LGR6: variants seen among roughly 807,000 people sequenced by gnomAD.
LGR6 encodes the protein leucine-rich repeat-containing G protein-coupled receptor 6.
In LGR6, 45 loss-of-function variants were observed where a neutral mutation model predicts 69.4. The ratio of observed to expected loss-of-function variants is 0.65; its 90% CI spans 0.51 to 0.83. LGR6 has a LOEUF of 0.83. LGR6 is among the 40% of genes least tolerant of loss of function. The probability of loss-of-function intolerance (pLI) is 0.00; values close to 1 mark genes in which losing one functional copy is unlikely to be tolerated. For missense variants in LGR6, 1,108 were observed against 1,246.7 expected, an observed-to-expected ratio of 0.89 and a Z score of 1.68; for synonymous variants, 538 against 555.0, an observed-to-expected ratio of 0.97 and a Z score of 0.43.
At chr1:202,290,977 C>A (rs1390978392) in intron 6 of LGR6, among the ~76,000 whole-genome samples, 1 of 152,206 alleles carries the variant, frequency 6.6e-6, no homozygotes, top group Admixed American at 6.5e-5. Context: ...CCTCAGAGAT[C>A]TCTGAAGTTG....
intron 4 of LGR6, among the ~76,000 whole-genome samples, chr1:202,239,767 TTCACTTAC>T (rs1212026175): frequency 6.6e-6 from 1 of 152,184 alleles, no homozygotes; most frequent in Non-Finnish European, 1.5e-5. Flanking sequence ...TCTCAGCTTC[TTCACTTAC>T]TCACTTACTG....
intron 4 of LGR6, among the ~76,000 whole-genome samples, chr1:202,242,673 A>T (rs1662312347): frequency 6.6e-6 from 1 of 152,156 alleles, no homozygotes; most frequent in South Asian, 2.1e-4. Context: ...GTGAGTTGAG[A>T]TGAGGAGGAA....
intron 6 of LGR6, among the ~76,000 whole-genome samples, chr1:202,292,169 A>G (rs897066718): frequency 9.2e-5 from 14 of 152,162 alleles, no homozygotes; most frequent in African/African-American, 3.1e-4. Context: ...CCATTAAGGG[A>G]TTTGGATTTT....
At chr1:202,280,973 G>A (rs1007324526) in intron 6 of LGR6, 121 bp downstream of exon 6, 25 of 841,032 alleles carry the variant, frequency 3.0e-5, no homozygotes, top group African/African-American at 8.6e-5. Context: ...GTCTGGCCCC[G>A]GGCTTGTTTA....
intron 5 of LGR6, among the ~76,000 whole-genome samples, chr1:202,277,546 G>A (rs1336842910): frequency 3.3e-5 from 5 of 152,040 alleles, no homozygotes; most frequent in Admixed American, 2.6e-4. Flanking sequence ...GAGAGGGTGG[G>A]GTCAGGCCTC....
At chr1:202,239,139 T>C (rs1661914898) in intron 4 of LGR6, among the ~76,000 whole-genome samples, 1 of 152,002 alleles carries the variant, frequency 6.6e-6, no homozygotes, top group South Asian at 2.1e-4. Context: ...CCAACCAGGG[T>C]AGGTGTCTTC....
Position 202,305,677 on chromosome 1 carries a change from T to A in LGR6, c.1071-7T>A, listed in dbSNP as rs1342464943. 1.2e-6 allele frequency: 2 copies of A among 1,613,152 alleles called. No homozygotes were observed. The highest frequency in any genetic ancestry group is 2.7e-5 in the African/African-American group (2 of 74,840). Reference sequence around the variant, plus strand: ...CACCCCAGCCCTGGCCTTTCTCTTTTCCCCAGGGAACTGTCTCACAATCAA... The same window carrying A: ...CACCCCAGCCCTGGCCTTTCTCTTTACCCCAGGGAACTGTCTCACAATCAA... On this transcript the variant is annotated splice_region_variant and splice_polypyrimidine_tract_variant and intron_variant, in intron 11 of 17. Coordinates refer to ENST00000367278, the MANE Select transcript of LGR6 (RefSeq NM_001017403.2).
intron 4 of LGR6, among the ~76,000 whole-genome samples, chr1:202,275,063 A>G (rs890125823): frequency 1.3e-5 from 2 of 152,172 alleles, no homozygotes; most frequent in East Asian, 3.8e-4. Flanking sequence ...TGGACCTTCT[A>G]CAAGGGGGCT....
chr1:202,211,003 T>C (rs1250672132), intron 1 of LGR6, among the ~76,000 whole-genome samples: 2 of 152,118 alleles, frequency 1.3e-5, no homozygotes, highest in Non-Finnish European at 2.9e-5. Flanking sequence ...AGGCTGGTTG[T>C]GGGGGGACTT....
In LGR6 at chr1:202,319,311, G is replaced by A; in HGVS notation, c.*104G>A. The A allele has an allele frequency of 1.6e-6, 2 of 1,285,076 alleles. No individual in the cohort carries two copies. The highest frequency in any genetic ancestry group is 2.1e-6 in the Non-Finnish European group (2 of 954,310). 79.6% of individuals were successfully genotyped at this position (1,285,076 alleles called of 1,614,324 possible). On this transcript the variant is annotated 3_prime_UTR_variant, in exon 18 of 18. Transcript: ENST00000367278. ...AAATACAACCAAAACTCAGCAGTGT[G>A]ATCTATAGCAGGATGGCCCAGTCCC...
chr1:202,309,292 A>G lies in LGR6; in HGVS notation c.1406+116A>G, dbSNP rs1269208493. 3 of 1,288,138 alleles carry G rather than the reference A, an allele frequency of 2.3e-6. No homozygotes were observed. In the African/African-American group the frequency reaches 4.5e-5, roughly 19 times the overall value. The allele number at this position is 1,288,138 out of a possible 1,614,324, so 79.8% of individuals were successfully genotyped here. On this transcript the variant is annotated intron_variant, in intron 15 of 17. Coordinates refer to ENST00000367278, the MANE Select transcript of LGR6 (RefSeq NM_001017403.2). ...AGCCTAGAGGCTTAGGGTTTGACCA[A>G]GATTTAGTGGAAGGGCTCACCTGAC...
chr1:202,306,506 G>A (rs1441493153), intron 12 of LGR6, among the ~76,000 whole-genome samples: 2 of 152,104 alleles, frequency 1.3e-5, no homozygotes, highest in South Asian at 2.1e-4. Flanking sequence ...TCCCAGTTCC[G>A]GCCAGTCACT....
intron 4 of LGR6, among the ~76,000 whole-genome samples, chr1:202,239,738 C>A (rs1311255783): frequency 6.6e-6 from 1 of 152,030 alleles, no homozygotes; most frequent in African/African-American, 2.4e-5. Context: ...ACTCTGGAGT[C>A]GGATTGTTTG....
At chr1:202,239,359 G>T (rs1661960092) in intron 4 of LGR6, among the ~76,000 whole-genome samples, 1 of 149,852 alleles carries the variant, frequency 6.7e-6, no homozygotes, top group Non-Finnish European at 1.5e-5. Context: ...GTGTGTGTGT[G>T]TGTGTGTGTG....
At chr1:202,266,898 A>ACG (rs10626699) in intron 4 of LGR6, among the ~76,000 whole-genome samples, 66,443 of 150,522 alleles carry the variant, frequency 0.44, 16,244 homozygotes, top group East Asian at 0.7. Flanking sequence ...TCTCTCTCTA[A>ACG]CGCGCGCACA....
chr1:202,305,670 T>C lies in LGR6; in HGVS notation c.1071-14T>C, dbSNP rs747605477. On this transcript the variant is annotated splice_polypyrimidine_tract_variant and intron_variant, in intron 11 of 17. Coordinates refer to ENST00000367278, the MANE Select transcript of LGR6 (RefSeq NM_001017403.2). ...ACCATTTCACCCCAGCCCTGGCCTT[T>C]CTCTTTTCCCCAGGGAACTGTCTCA... 3 of 1,612,942 alleles carry C rather than the reference T, an allele frequency of 1.9e-6. No individual in the cohort carries two copies. The highest frequency in any genetic ancestry group is 4.5e-5 in the East Asian group (2 of 44,866).
At position 202,200,877 on chromosome 1, in the gene LGR6, G is replaced by A. The variant is rs1004597115; in HGVS notation, c.212+6676G>A. 4.5e-4 allele frequency among the ~76,000 whole-genome samples: 69 copies of A among 152,188 alleles called. 1 individual carries two copies. Among genetic ancestry groups the A allele is most frequent in the Admixed American group, 4.1e-3 (62 of 15,294 alleles). ...CTCAGGGGTTGGCACTGTGCCCCCC[G>A]GAGCCATGCCAGAGCAGGCCATGGG... On this transcript the variant is annotated intron_variant, in intron 1 of 17. Coordinates refer to ENST00000367278, the MANE Select transcript of LGR6 (RefSeq NM_001017403.2).
chr1:202,236,428 A>C (rs979430747), intron 4 of LGR6: 1 of 182,660 alleles, frequency 5.5e-6, no homozygotes, highest in South Asian at 1.2e-4. Context: ...CTAGGCTCAG[A>C]TACTCATTTT....
At chr1:202,258,721 G>C (rs1162286927) in intron 4 of LGR6, among the ~76,000 whole-genome samples, 1 of 151,508 alleles carries the variant, frequency 6.6e-6, no homozygotes, top group Non-Finnish European at 1.5e-5. Flanking sequence ...TAATCTTAAG[G>C]CTTTATCATT....
Sources: gnomAD v4.1 joint callset for allele counts (sites outside exome capture counted in the v4.1 genomes callset) on GRCh38, gnomAD v4.1.1 for gene constraint, MANE v1.5 for transcripts, NCBI Gene and HGNC (gene_info 2026-07-23, HGNC 2026-07-21) for gene names.